The following DENND2A variants were observed in gnomAD, a reference collection of about 807,000 sequenced individuals.
DENND2A encodes DENN domain containing 2A, also known as DENN domain-containing protein 2A.
In DENND2A, 53 loss-of-function variants were observed where a neutral mutation model predicts 105.3. That is an observed-to-expected ratio of 0.50 (90% CI 0.40 to 0.63). DENND2A has a LOEUF of 0.63. DENND2A is among the 30% of genes least tolerant of loss of function. The pLI, the probability that DENND2A is intolerant of heterozygous loss-of-function variation, is 0.00. For synonymous variants in DENND2A, 522 were observed against 508.4 expected (o/e 1.03, Z -0.36); for missense variants, 1,138 against 1,279.6 (o/e 0.89, Z 1.69).
intron 12 of DENND2A, among the ~76,000 whole-genome samples, chr7:140,547,933 C>T (rs922678852): frequency 1.3e-5 from 2 of 152,004 alleles, no homozygotes; most frequent in Admixed American, 6.6e-5. Flanking sequence ...TAGAAAAATC[C>T]AGAGAGACAG....
chr7:140,636,895 C>G (rs1800957953), intron 1 of DENND2A, among the ~76,000 whole-genome samples: 1 of 152,054 alleles, frequency 6.6e-6, no homozygotes, highest in Non-Finnish European at 1.5e-5. Context: ...GAGTCTTGCT[C>G]TGTCGCCCAG....
At chr7:140,591,052 C>T (rs760238294) in intron 3 of DENND2A, among the ~76,000 whole-genome samples, 13 of 152,158 alleles carry the variant, frequency 8.5e-5, no homozygotes, top group Non-Finnish European at 1.3e-4. Context: ...AATCCTAGCA[C>T]TTTGGGAGGC....
intron 12 of DENND2A, among the ~76,000 whole-genome samples, chr7:140,552,815 C>T (rs1003832353): frequency 2.0e-5 from 3 of 152,120 alleles, no homozygotes; most frequent in Admixed American, 6.6e-5. Context: ...AAGTGATCTA[C>T]TGGCCTCAGC....
At chr7:140,584,861 C>T (rs1798712291) in intron 5 of DENND2A, among the ~76,000 whole-genome samples, 2 of 152,244 alleles carry the variant, frequency 1.3e-5, no homozygotes, top group South Asian at 4.1e-4. Flanking sequence ...AAAAAACCCA[C>T]ATATAGACAT....
At chr7:140,600,391 C>T (rs1799440570) in intron 3 of DENND2A, among the ~76,000 whole-genome samples, 1 of 149,394 alleles carries the variant, frequency 6.7e-6, no homozygotes. Context: ...AGTCTCAGGT[C>T]TGGCCCTGGG....
intron 14 of DENND2A, among the ~76,000 whole-genome samples, chr7:140,534,102 T>TTTTTTTTTTTTTTTTTTA (rs1491445966): frequency 1.5e-5 from 2 of 132,314 alleles, no homozygotes; most frequent in African/African-American, 2.9e-5. Flanking sequence ...TTTTTTTTTT[T>TTTTTTTTTTTTTTTTTTA]GAGATGGAGT....
chr7:140,591,069 AGGTGGACTGCTTGAGCT>A (rs1798996757), intron 3 of DENND2A, among the ~76,000 whole-genome samples: 1 of 152,142 alleles, frequency 6.6e-6, no homozygotes, highest in South Asian at 2.1e-4. Flanking sequence ...AGGCCGAAGC[AGGTGGACTGCTTGAGCT>A]CAGGAGTTTC....
intron 14 of DENND2A, 52 bp downstream of exon 14, chr7:140,544,566 C>A (rs375815461): frequency 6.2e-7 from 1 of 1,611,972 alleles, no homozygotes; most frequent in East Asian, 2.2e-5. Context: ...ACTAGAGGGT[C>A]CAAGAGCGAC....
intron 1 of DENND2A, among the ~76,000 whole-genome samples, chr7:140,606,733 G>A (rs1018491567): frequency 1.3e-5 from 2 of 152,102 alleles, no homozygotes; most frequent in Non-Finnish European, 2.9e-5. Flanking sequence ...GCAAACCCAG[G>A]AATCCCACTG....
chr7:140,635,963 A>T (rs1405374729), intron 1 of DENND2A, among the ~76,000 whole-genome samples: 2 of 152,124 alleles, frequency 1.3e-5, no homozygotes, highest in Non-Finnish European at 2.9e-5. Flanking sequence ...AAAGTAGAGA[A>T]CTTAGCTCAT....
At chr7:140,548,046 A>G (rs1041141050) in intron 12 of DENND2A, among the ~76,000 whole-genome samples, 2 of 152,184 alleles carry the variant, frequency 1.3e-5, no homozygotes, top group African/African-American at 2.4e-5. Context: ...TGATGGTTGT[A>G]TAACTCTGTG....
chr7:140,575,956 A>G (rs917120699), intron 5 of DENND2A, among the ~76,000 whole-genome samples: 1 of 149,376 alleles, frequency 6.7e-6, no homozygotes, highest in Non-Finnish European at 1.5e-5. Context: ...GCAACAGAGC[A>G]AGACTCTATC....
intron 1 of DENND2A, among the ~76,000 whole-genome samples, chr7:140,635,848 G>A (rs1800907309): frequency 6.6e-6 from 1 of 152,194 alleles, no homozygotes; most frequent in African/African-American, 2.4e-5. Context: ...GCAAACTGAG[G>A]GCTGACGGAG....
intron 14 of DENND2A, among the ~76,000 whole-genome samples, chr7:140,535,191 C>T (rs963805543): frequency 6.6e-6 from 1 of 152,168 alleles, no homozygotes; most frequent in East Asian, 1.9e-4. Context: ...ATTAGAGGAA[C>T]ACCCCAGGAA....
chr7:140,566,984 G>A (rs987843601), intron 9 of DENND2A, 102 bp downstream of exon 9: 12 of 1,078,684 alleles, frequency 1.1e-5, no homozygotes, highest in Non-Finnish European at 1.6e-5. Context: ...GATTCTAGAT[G>A]CTAGGTGTTC....
chr7:140,579,628 G>C (rs1020613608), intron 5 of DENND2A, among the ~76,000 whole-genome samples: 1 of 151,892 alleles, frequency 6.6e-6, no homozygotes, highest in Non-Finnish European at 1.5e-5. Context: ...CCTGACCTCA[G>C]TTGATTCGCC....
In DENND2A at chr7:140,633,028, A is replaced by AT. The variant is rs1181300571; in HGVS notation, c.-248+7475dup. 7.8e-3 allele frequency among the ~76,000 whole-genome samples: 1,030 copies of AT among 131,336 alleles called. 10 individuals are homozygous for AT. Among genetic ancestry groups the AT allele is most frequent in the African/African-American group, 0.02 (698 of 35,464 alleles). The allele number at this position is 131,336 out of a possible 152,430, so 86.2% of individuals were successfully genotyped here. The stretch of plus-strand genomic sequence containing the variant: ...AGGCGTGTGCCACCATGCCCAGCTA[A>AT]TTTTTTTTTTTTTTTTTTGAGACAG... On this transcript the variant is annotated intron_variant, in intron 1 of 19. Coordinates refer to ENST00000496613, the MANE Select transcript of DENND2A (RefSeq NM_015689.5).
chr7:140,520,565 T>G (rs544625534), intron 18 of DENND2A, among the ~76,000 whole-genome samples: 3 of 137,324 alleles, frequency 2.2e-5, no homozygotes, highest in African/African-American at 8.8e-5. Flanking sequence ...CTTTCCAGGG[T>G]TTTTTTTTTT....
At chr7:140,569,818 C>G in intron 6 of DENND2A, 80 bp from the exon 7 acceptor site, 1 of 990,872 alleles carries the variant, frequency 1.0e-6, no homozygotes, top group East Asian at 2.4e-5. Flanking sequence ...CTGCCCCTCT[C>G]CTAGGACGAT....
Sources: gnomAD v4.1 joint callset for allele counts (sites outside exome capture counted in the v4.1 genomes callset) on GRCh38, gnomAD v4.1.1 for gene constraint, MANE v1.5 for transcripts, NCBI Gene and HGNC (gene_info 2026-07-23, HGNC 2026-07-21) for gene names.